SPATA45: variants seen among roughly 807,000 people sequenced by gnomAD.
SPATA45 encodes spermatogenesis-associated protein 45.
SPATA45 carries 5 observed loss-of-function variants against 7.0 expected under a neutral mutation model. The observed-to-expected ratio is 0.71, with a 90% CI of 0.37 to 1.50. The LOEUF (loss-of-function observed/expected upper bound fraction) is 1.50, where lower values mean the gene tolerates loss of function less well. Ranked by LOEUF, SPATA45 falls within the 40% of genes most tolerant of loss-of-function variation. The pLI, the probability that SPATA45 is intolerant of heterozygous loss-of-function variation, is 0.03. For missense variants in SPATA45, 111 were observed against 114.9 expected (o/e 0.97, Z 0.16); for synonymous variants, 40 against 38.7 (o/e 1.03, Z -0.13).
At chr1:212,831,225 T>C (rs1663481646) in intron 2 of SPATA45, among the ~76,000 whole-genome samples, 2 of 151,088 alleles carry the variant, frequency 1.3e-5, no homozygotes, top group Admixed American at 1.3e-4. Context: ...TCCCAGCGCT[T>C]TGGGAGGCTG....
chr1:212,842,840 GCAT>G, intron 1 of SPATA45, among the ~76,000 whole-genome samples: 1 of 151,980 alleles, frequency 6.6e-6, no homozygotes, highest in East Asian at 1.9e-4. Context: ...TGTAATCCCA[GCAT>G]GTTGGGAGGC....
chr1:212,831,786 G>A (rs992165021), intron 2 of SPATA45, among the ~76,000 whole-genome samples: 8 of 151,092 alleles, frequency 5.3e-5, no homozygotes, highest in Admixed American at 4.6e-4. Context: ...CCACCGCTAG[G>A]TTCGACCATC....
intron 2 of SPATA45, 84 bp downstream of exon 2, chr1:212,835,789 T>A: frequency 8.2e-7 from 1 of 1,225,040 alleles, no homozygotes; most frequent in Non-Finnish European, 1.1e-6. Context: ...TGAGCTGAGA[T>A]CGCGCCACTG....
intron 2 of SPATA45, among the ~76,000 whole-genome samples, chr1:212,833,649 C>T (rs925670435): frequency 6.6e-6 from 1 of 151,608 alleles, no homozygotes; most frequent in African/African-American, 2.4e-5. Flanking sequence ...CAGAGAGACT[C>T]AGCTTTCACA....
chr1:212,841,366 G>A (rs576833156), intron 1 of SPATA45, among the ~76,000 whole-genome samples: 11 of 152,066 alleles, frequency 7.2e-5, no homozygotes, highest in Non-Finnish European at 1.6e-4. Context: ...GTTTCAACAT[G>A]TTGCCCAGGC....
chr1:212,841,486 A>G lies in SPATA45; in HGVS notation c.-38-5299T>C, dbSNP rs575848736. The stretch of plus-strand genomic sequence containing the variant: ...CATTAATTATTCTTTTTATTGCTAG[A>G]CTTTAGGTTGTTTTTGATTTATTTT... On this transcript the variant is annotated intron_variant, in intron 1 of 2. Transcript: ENST00000332912. 1.5e-4 allele frequency among the ~76,000 whole-genome samples: 22 copies of G among 149,258 alleles called. 1 individual carries two copies. The highest frequency in any genetic ancestry group is 1.0e-3 in the South Asian group (5 of 4,780).
At chr1:212,832,391 TAG>T (rs1663506764) in intron 2 of SPATA45, among the ~76,000 whole-genome samples, 1 of 98,140 alleles carries the variant, frequency 1.0e-5, no homozygotes. Flanking sequence ...TTTTTAGAAA[TAG>T]AGAAGAGGTC....
At chr1:212,834,519 C>T (rs904604198) in intron 2 of SPATA45, among the ~76,000 whole-genome samples, 7 of 150,842 alleles carry the variant, frequency 4.6e-5, no homozygotes, top group Admixed American at 4.0e-4. Flanking sequence ...GGAGTGATCT[C>T]GGCTCACTGC....
intron 2 of SPATA45, among the ~76,000 whole-genome samples, chr1:212,835,192 T>C (rs1447634375): frequency 6.6e-6 from 1 of 151,752 alleles, no homozygotes; most frequent in Non-Finnish European, 1.5e-5. Context: ...TCCTAATTTT[T>C]AGGAATACCT....
chr1:212,846,562 C>A (rs1174504354), intron 1 of SPATA45, among the ~76,000 whole-genome samples: 1 of 152,168 alleles, frequency 6.6e-6, no homozygotes, highest in Non-Finnish European at 1.5e-5. Context: ...TTCTCCCCTG[C>A]CCTTAAGAAG....
chr1:212,841,776 G>C (rs1663690577), intron 1 of SPATA45, among the ~76,000 whole-genome samples: 1 of 151,536 alleles, frequency 6.6e-6, no homozygotes, highest in Non-Finnish European at 1.5e-5. Flanking sequence ...TGTTAGTTTT[G>C]AAATGGAGTC....
At chr1:212,833,960 G>A (rs577036428) in intron 2 of SPATA45, among the ~76,000 whole-genome samples, 23 of 151,904 alleles carry the variant, frequency 1.5e-4, no homozygotes, top group African/African-American at 5.3e-4. Flanking sequence ...AAAGTGAGAC[G>A]TAATACTTCC....
At chr1:212,832,320 T>A (rs1663504503) in intron 2 of SPATA45, among the ~76,000 whole-genome samples, 1 of 150,238 alleles carries the variant, frequency 6.7e-6, no homozygotes, top group Non-Finnish European at 1.5e-5. Context: ...TACTATTTTT[T>A]AACTTGTTTA....
chr1:212,844,113 AC>A (rs749226634), intron 1 of SPATA45, among the ~76,000 whole-genome samples: 1 of 152,162 alleles, frequency 6.6e-6, no homozygotes, highest in Non-Finnish European at 1.5e-5. Context: ...GAATTCTTAC[AC>A]AAGAGCCGGG....
intron 1 of SPATA45, among the ~76,000 whole-genome samples, chr1:212,843,100 TACACACACACACAC>T (rs367648433): frequency 2.5e-5 from 3 of 121,930 alleles, no homozygotes; most frequent in South Asian, 3.0e-4. Flanking sequence ...CCGTCAAACA[TACACACACACACAC>T]ACACACACAC....
intron 2 of SPATA45, 109 bp from the exon 3 acceptor site, chr1:212,830,370 A>G (rs1663461507): frequency 1.6e-6 from 1 of 643,702 alleles, no homozygotes; most frequent in South Asian, 2.0e-5. Context: ...ACAGGAACTA[A>G]GGTTTAGAAA....
intron 1 of SPATA45, among the ~76,000 whole-genome samples, chr1:212,837,653 G>C (rs1663612618): frequency 6.6e-6 from 1 of 151,460 alleles, no homozygotes; most frequent in South Asian, 2.1e-4. Flanking sequence ...ATAAAATAAA[G>C]TGGCCAGGCG....
In SPATA45 at chr1:212,842,949, T is replaced by C. The variant is rs189469596; in HGVS notation, c.-39+4631A>G. Among the ~76,000 whole-genome samples the C allele has an allele frequency of 2.4e-3, 349 of 145,660 alleles. 4 individuals carry two copies. The highest frequency in any genetic ancestry group is 8.3e-3 in the African/African-American group (329 of 39,854). On this transcript the variant is annotated intron_variant, in intron 1 of 2. Coordinates refer to ENST00000332912, the MANE Select transcript of SPATA45 (RefSeq NM_001024601.3). ...TAAAAATACAAAAAAAAAAAAAAAT[T>C]AGCTGGGCGTGGTGGCATGCGCCTG...
chr1:212,835,902 T>G lies in SPATA45; in HGVS notation c.248A>C (p.His83Pro). The G allele has an allele frequency of 6.2e-7, 1 of 1,605,940 alleles. No individual in the cohort carries two copies. Among genetic ancestry groups the G allele is most frequent in the Non-Finnish European group, 8.5e-7 (1 of 1,176,114 alleles). ...TGGTGGAAAGTGCTTTCTCTCCATGTGAGCAAGGAGACTCAGCTTGATCCA... is the reference window on the plus strand; with the variant it reads ...TGGTGGAAAGTGCTTTCTCTCCATGGGAGCAAGGAGACTCAGCTTGATCCA... Reference protein sequence around the residue: ...SSWIKLSLLAHMERKHFPPKN... With the variant: ...SSWIKLSLLAPMERKHFPPKN... Residue 83 changes from histidine (H) to proline (P), a missense_variant, in exon 2 of 3, where the codon CAC becomes CCC. Physicochemically the swap from His to Pro is moderately conservative, Grantham distance 77. Coordinates refer to ENST00000332912, the MANE Select transcript of SPATA45 (RefSeq NM_001024601.3).
Sources: allele counts gnomAD v4.1 joint callset (sites outside exome capture counted in the v4.1 genomes callset), GRCh38; gene constraint gnomAD v4.1.1; transcripts MANE v1.5; gene names NCBI Gene and HGNC (gene_info 2026-07-23, HGNC 2026-07-21).